Variants in MED12L observed in about 807,000 individuals in gnomAD.
The protein encoded by MED12L is mediator complex subunit 12L.
A neutral mutation model predicts 281.3 loss-of-function variants in MED12L; 60 were observed. The ratio of observed to expected loss-of-function variants is 0.21; its 90% CI spans 0.17 to 0.26. The LOEUF is 0.26. Among genes scored for constraint, MED12L ranks in the 10% least tolerant of loss-of-function variants. The probability of loss-of-function intolerance (pLI) is 1.00; values close to 1 mark genes in which losing one functional copy is unlikely to be tolerated. For missense variants in MED12L, 2,146 were observed against 2,680.9 expected (o/e 0.80, Z 4.41); for synonymous variants, 974 against 987.2 (o/e 0.99, Z 0.25).
chr3:151,291,130 T>G (rs1744197009), intron 16 of MED12L, among the ~76,000 whole-genome samples: 1 of 147,536 alleles, frequency 6.8e-6, no homozygotes, highest in African/African-American at 2.5e-5. Flanking sequence ...TTCCTACGCT[T>G]TATTTTGTCC....
rs190213021 is a variant in MED12L at position 151,216,421 on chromosome 3, A to G, written c.2250+22755A>G. Reference sequence around the variant, plus strand: ...GCATGACAAAGGGATATTTTGAAATATGGAATATGAAATACAGTCACATTC... The same window carrying G: ...GCATGACAAAGGGATATTTTGAAATGTGGAATATGAAATACAGTCACATTC... On this transcript the variant is annotated intron_variant, in intron 16 of 44. Transcript: ENST00000687756. Among the ~76,000 whole-genome samples, 236 of 152,350 alleles carry G rather than the reference A, an allele frequency of 1.5e-3. 1 individual carries two copies. Among genetic ancestry groups the G allele is most frequent in the African/African-American group, 5.4e-3 (225 of 41,586 alleles).
intron 43 of MED12L, among the ~76,000 whole-genome samples, chr3:151,428,887 T>G (rs1387171513): frequency 1.3e-5 from 2 of 151,994 alleles, no homozygotes; most frequent in Admixed American, 6.5e-5. Context: ...ACATTATTGT[T>G]TATTTGAAAA....
intron 16 of MED12L, among the ~76,000 whole-genome samples, chr3:151,271,046 C>G (rs555481452): frequency 6.6e-6 from 1 of 151,178 alleles, no homozygotes; most frequent in East Asian, 1.9e-4. Flanking sequence ...AAATTTAAAA[C>G]TTTCATTTTT....
chr3:151,210,975 C>G (rs1280032987), intron 16 of MED12L, among the ~76,000 whole-genome samples: 1 of 152,222 alleles, frequency 6.6e-6, no homozygotes, highest in Non-Finnish European at 1.5e-5. Context: ...ATAGCTTTAT[C>G]TACAAAAGGA....
intron 16 of MED12L, among the ~76,000 whole-genome samples, chr3:151,222,549 G>A (rs867400809): frequency 1.6e-4 from 24 of 152,154 alleles, no homozygotes; most frequent in African/African-American, 5.8e-4. Context: ...TTAAAAATGG[G>A]AGTTGCCCTG....
intron 17 of MED12L, among the ~76,000 whole-genome samples, chr3:151,352,012 G>T (rs186209430): frequency 6.6e-6 from 1 of 152,082 alleles, no homozygotes; most frequent in African/African-American, 2.4e-5. Flanking sequence ...GGACCAGAAG[G>T]GTTTTGGATT....
At chr3:151,261,102 GTTTA>G (rs377191928) in intron 16 of MED12L, among the ~76,000 whole-genome samples, 88 of 152,120 alleles carry the variant, frequency 5.8e-4, no homozygotes, top group Non-Finnish European at 8.5e-4. Flanking sequence ...TCAGGGCCAT[GTTTA>G]TTTATGCATT....
chr3:151,337,721 T>C, intron 16 of MED12L: 1 of 1,214,924 alleles, frequency 8.2e-7, no homozygotes, highest in South Asian at 1.3e-5. Flanking sequence ...TATTATTAAC[T>C]TAGTTGCTTC....
At position 151,355,955 on chromosome 3, in the gene MED12L, C is replaced by A; in HGVS notation, c.2577C>A (p.Leu859=). ...TTGCGTCAGGAACATCCTATCATCT[C>A]CCTTTGGCTCACCACATTCAGCTCA... ...TSFASGTSYH[L]PLAHHIQLIF... Residue 859 remains leucine (L), a synonymous_variant, in exon 19 of 45, where the codon CTC becomes CTA. Transcript: ENST00000687756. 1 of 1,614,124 alleles carries A rather than the reference C, an allele frequency of 6.2e-7. No individual in the cohort carries two copies. Among genetic ancestry groups the A allele is most frequent in the Non-Finnish European group, 8.5e-7 (1 of 1,179,994 alleles).
intron 4 of MED12L, among the ~76,000 whole-genome samples, chr3:151,126,353 C>A (rs934755341): frequency 9.9e-5 from 15 of 152,152 alleles, no homozygotes; most frequent in African/African-American, 3.6e-4. Context: ...CTATATGCTG[C>A]ATCTTACTGT....
At chr3:151,330,180 T>C (rs1326626898) in intron 16 of MED12L, among the ~76,000 whole-genome samples, 2 of 152,200 alleles carry the variant, frequency 1.3e-5, no homozygotes, top group East Asian at 3.8e-4. Flanking sequence ...CACTGTGTTA[T>C]TAAGAATGAA....
At chr3:151,096,805 G>C (rs1327668007) in intron 2 of MED12L, among the ~76,000 whole-genome samples, 1 of 152,226 alleles carries the variant, frequency 6.6e-6, no homozygotes, top group African/African-American at 2.4e-5. Context: ...TGTGTGCCCT[G>C]ATTTGTTCTT....
chr3:151,231,224 A>G (rs1168495620), intron 16 of MED12L, among the ~76,000 whole-genome samples: 1 of 152,262 alleles, frequency 6.6e-6, no homozygotes, highest in East Asian at 1.9e-4. Flanking sequence ...GAAGAAGGGT[A>G]GAATTTAGGA....
At chr3:151,375,706 T>G (rs1284907772) in intron 27 of MED12L, among the ~76,000 whole-genome samples, 4 of 152,094 alleles carry the variant, frequency 2.6e-5, no homozygotes, top group Non-Finnish European at 5.9e-5. Context: ...ATATAGCAAG[T>G]TAGAAAAAAC....
rs1749227039 is a variant in MED12L, at chr3:151,323,486, G to GC, written c.2251-26568dup. On this transcript the variant is annotated intron_variant, in intron 16 of 44. Transcript: ENST00000687756. ...CCTATGTCATGTGCTGTAGGCTCAG[G>GC]CCCCCTGCAACCCTCACGCTCCAAC... Among the ~76,000 whole-genome samples, 4 of 152,192 alleles carry GC rather than the reference G, an allele frequency of 2.6e-5. No homozygotes were observed. In the South Asian group the frequency reaches 8.3e-4, roughly 32 times the overall value.
At chr3:151,416,133 G>C (rs1717516125) in intron 42 of MED12L, among the ~76,000 whole-genome samples, 179 bp from the exon 43 acceptor site, 6 of 152,206 alleles carry the variant, frequency 3.9e-5, no homozygotes, top group African/African-American at 1.4e-4. Context: ...GGATGAGCAG[G>C]TTTAGGTCTT....
At chr3:151,343,338 C>A (rs1407990392) in intron 16 of MED12L, among the ~76,000 whole-genome samples, 1 of 152,122 alleles carries the variant, frequency 6.6e-6, no homozygotes, top group Non-Finnish European at 1.5e-5. Context: ...TATTTCTAAA[C>A]CTCTAGAAGG....
intron 16 of MED12L, chr3:151,213,570 G>C: frequency 6.2e-7 from 1 of 1,614,152 alleles, no homozygotes; most frequent in South Asian, 1.1e-5. Context: ...TGGCAATATG[G>C]TAAGGTACAA....
intron 16 of MED12L, among the ~76,000 whole-genome samples, chr3:151,334,849 G>C (rs879643380): frequency 2.6e-5 from 4 of 152,066 alleles, no homozygotes; most frequent in Non-Finnish European, 5.9e-5. Flanking sequence ...CTTAGGTTTT[G>C]TGAGCCATGC....
Sources: allele counts gnomAD v4.1 joint callset (sites outside exome capture counted in the v4.1 genomes callset), GRCh38; gene constraint gnomAD v4.1.1; transcripts MANE v1.5; gene names NCBI Gene and HGNC (gene_info 2026-07-23, HGNC 2026-07-21).